The following FBF1 variants were observed in gnomAD, a reference collection of about 807,000 sequenced individuals.
FBF1 encodes the protein fas-binding factor 1.
A neutral mutation model predicts 147.2 loss-of-function variants in FBF1; 119 were observed. That is an observed-to-expected ratio of 0.81 (90% CI 0.70 to 0.94). The LOEUF (loss-of-function observed/expected upper bound fraction) is 0.94, where lower values mean the gene tolerates loss of function less well. Ranked by LOEUF, FBF1 falls within the 40% of genes least tolerant of loss-of-function variation. FBF1 has a pLI of 0.00. For synonymous variants in FBF1, 601 were observed against 609.0 expected (o/e 0.99, Z 0.19); for missense variants, 1,449 against 1,500.8 (o/e 0.97, Z 0.57).
In FBF1 at chr17:75,925,864, C is replaced by T. The variant is rs1012577307; in HGVS notation, c.868+166G>A. 6.6e-6 allele frequency among the ~76,000 whole-genome samples: 1 copy of T among 152,192 alleles called. No individual in the cohort carries two copies. Among genetic ancestry groups the T allele is most frequent in the South Asian group, 2.1e-4 (1 of 4,830 alleles). ...GACAACTGAGCACGAACAGTGGTCA[C>T]GGTAAGTATTATTTCACGGTAAGTA... On this transcript the variant is annotated intron_variant, in intron 12 of 29. Transcript: ENST00000636174. The surrounding 1 kb of genome is among the most constrained non-coding windows in gnomAD (Gnocchi z 5.0).
In FBF1 at chr17:75,922,156, C is replaced by G; in HGVS notation, c.1425-110G>C. ...CGTGAAGCTCGTGGCCCCCCTTCCTCCTGCTTCCACCATCCCGTCTTGGGG... is the reference window on the plus strand; with the variant it reads ...CGTGAAGCTCGTGGCCCCCCTTCCTGCTGCTTCCACCATCCCGTCTTGGGG... On this transcript the variant is annotated intron_variant, in intron 14 of 29. Coordinates refer to ENST00000636174, the MANE Select transcript of FBF1 (RefSeq NM_001319193.2). The surrounding 1 kb of genome is among the most constrained non-coding windows in gnomAD (Gnocchi z 5.0). 1.2e-6 allele frequency: 1 copy of G among 828,312 alleles called. No individual in the cohort carries two copies. Among genetic ancestry groups the G allele is most frequent in the South Asian group, 1.6e-5 (1 of 60,940 alleles). The allele number at this position is 828,312 out of a possible 1,614,324, so 51.3% of individuals were successfully genotyped here.
rs531209367 is a variant in FBF1, at chr17:75,916,234, T to G, written c.2506-1095A>C. Among the ~76,000 whole-genome samples, 44 of 151,900 alleles carry G rather than the reference T, an allele frequency of 2.9e-4. No homozygotes were observed. The South Asian group carries it at 4.2e-3, about 14-fold the overall frequency. On this transcript the variant is annotated intron_variant, in intron 23 of 29. Coordinates refer to ENST00000636174, the MANE Select transcript of FBF1 (RefSeq NM_001319193.2). ...TACTTGGCAGCTGAGGTGGGAAGAT[T>G]GCTTGAGCCCAGGAGGTTCAAGCTG... is the stretch of plus-strand genomic sequence containing the variant.
chr17:75,917,861 C>A lies in FBF1; in HGVS notation c.2387-11G>T. 1 of 1,589,494 alleles carries A rather than the reference C, an allele frequency of 6.3e-7. No homozygotes were observed. The highest frequency in any genetic ancestry group is 1.1e-5 in the South Asian group (1 of 88,372). ...GCCGCTCCTGCAGTGCTGGGGGCAA[C>A]CCACAGGGTGCTCAGCAGCTGCTCC... On this transcript the variant is annotated splice_polypyrimidine_tract_variant and intron_variant, in intron 22 of 29. Coordinates refer to ENST00000636174, the MANE Select transcript of FBF1 (RefSeq NM_001319193.2).
chr17:75,936,730 G>T (rs1488045775), intron 3 of FBF1, among the ~76,000 whole-genome samples: 2 of 151,970 alleles, frequency 1.3e-5, no homozygotes, highest in East Asian at 3.9e-4. Flanking sequence ...CAGATTTTCA[G>T]CAGAACCTAT....
rs781053338 is a variant in FBF1 at position 75,917,771 on chromosome 17, C to G, written c.2466G>C (p.Met822Ile). The stretch of plus-strand genomic sequence containing the variant: ...GGCTCTGCTCATTCAGCCGTGCCTC[C>G]ATCTTCCCGATGACCTCCTGTTGCC... ...RSRQQEVIGK[M>I]EARLNEQSRL... The change falls in exon 23 of 30, where the codon ATG becomes ATC. Residue 822 changes from methionine to isoleucine, a missense_variant. Physicochemically the swap from Met to Ile is conservative, Grantham distance 10. Coordinates refer to ENST00000636174, the MANE Select transcript of FBF1 (RefSeq NM_001319193.2). 2 of 1,610,110 alleles carry G rather than the reference C, an allele frequency of 1.2e-6. No individual in the cohort carries two copies. The highest frequency in any genetic ancestry group is 2.7e-5 in the African/African-American group (2 of 74,868).
chr17:75,914,228 G>A lies in FBF1; in HGVS notation c.2885C>T (p.Ala962Val). 1 of 1,592,222 alleles carries A rather than the reference G, an allele frequency of 6.3e-7. No individual in the cohort carries two copies. ...CTCCTGCCGCTCCTGCTCCAGGGCT[G>A]CTCTCTCCGCTGCCAGCTGCTTCTC... is the stretch of plus-strand genomic sequence containing the variant. The part of the protein sequence containing the change: ...AEEKQLAAER[A>V]ALEQERQELR... Residue 962 changes from alanine to valine, a missense_variant, in exon 26 of 30, where the codon GCA becomes GTA. Transcript: ENST00000636174.
Position 75,914,573 on chromosome 17 carries a change from C to G in FBF1, c.2814+174G>C, listed in dbSNP as rs150037877. ...GATCAAATAAAATGTGTATAATGCA[C>G]CTGGGACAATACGAGGAAGATGTTA... On this transcript the variant is annotated intron_variant, in intron 25 of 29. Transcript: ENST00000636174. The G allele has an allele frequency of 7.0e-4, 575 of 825,220 alleles. 5 individuals are homozygous for G. The East Asian group carries it at 0.015, about 22-fold the overall frequency. The allele number at this position is 825,220 out of a possible 1,614,324, so 51.1% of individuals were successfully genotyped here.
chr17:75,934,087 C>T lies in FBF1; in HGVS notation c.74-999G>A, dbSNP rs935473449. Among the ~76,000 whole-genome samples the T allele has an allele frequency of 7.2e-5, 11 of 152,128 alleles. No homozygotes were observed. The South Asian group carries it at 1.0e-3, about 14-fold the overall frequency. The stretch of plus-strand genomic sequence containing the variant: ...GTCCGCCCAAAAACTAGTACACGAA[C>T]GTTCATAACAGCATTATTCATAACA... On this transcript the variant is annotated intron_variant, in intron 4 of 29. Coordinates refer to ENST00000636174, the MANE Select transcript of FBF1 (RefSeq NM_001319193.2).
rs200883803 is a variant in FBF1 at position 75,919,964 on chromosome 17, C to T, written c.1931+43G>A. The T allele has an allele frequency of 3.1e-6, 5 of 1,610,138 alleles. No homozygotes were observed. In the East Asian group the frequency reaches 1.1e-4, roughly 36 times the overall value. ...AGGCACACTGGGTGGCCTTTGGGGT[C>T]AGTGTGAGATCCAAGGCAGAGCTGG... is the stretch of plus-strand genomic sequence containing the variant. On this transcript the variant is annotated intron_variant, in intron 19 of 29. Transcript: ENST00000636174. This position sits in a 1 kb window ranked among gnomAD's most constrained non-coding sequence, Gnocchi z 5.0.
chr17:75,933,099 A>G lies in FBF1; in HGVS notation c.74-11T>C. 1 of 1,590,018 alleles carries G rather than the reference A, an allele frequency of 6.3e-7. No individual in the cohort carries two copies. The highest frequency in any genetic ancestry group is 8.6e-7 in the Non-Finnish European group (1 of 1,161,754). On this transcript the variant is annotated splice_polypyrimidine_tract_variant and intron_variant, in intron 4 of 29. Transcript: ENST00000636174. Reference sequence around the variant, plus strand: ...TCTCAGGTAGTGTCACTGGAAAAAAAGAAAAGAGAAAACGTGTCATTTAAC... The same window carrying G: ...TCTCAGGTAGTGTCACTGGAAAAAAGGAAAAGAGAAAACGTGTCATTTAAC...
chr17:75,923,244 C>A lies in FBF1; in HGVS notation c.1366G>T (p.Ala456Ser). The A allele has an allele frequency of 6.3e-7, 1 of 1,591,422 alleles. No homozygotes were observed. The highest frequency in any genetic ancestry group is 8.6e-7 in the Non-Finnish European group (1 of 1,169,442). The change falls in exon 14 of 30, where the codon GCT (alanine) becomes TCT (serine). Residue 456 changes from alanine (A) to serine (S), a missense_variant. Transcript: ENST00000636174. This position sits in a 1 kb window ranked among gnomAD's most constrained non-coding sequence, Gnocchi z 4.1. ...AAATGCAGGCCCTCAGAGGTCCCAG[C>A]ATGCTGCTCTCTGGCCAGGCCTTGG... ...KSQGLAREQHAGTSEGLHLAG... is the reference protein window; with the variant it reads ...KSQGLAREQHSGTSEGLHLAG...
chr17:75,935,706 G>A (rs59867239), intron 3 of FBF1, 33 bp from the exon 4 acceptor site: 327,401 of 1,530,034 alleles, frequency 0.21, 35,676 homozygotes, highest in Non-Finnish European at 0.22. Context: ...ATGACTTCAG[G>A]AGGAAAGAAG....
Position 75,928,337 on chromosome 17 carries a change from G to T in FBF1, c.280-144C>A. On this transcript the variant is annotated intron_variant, in intron 7 of 29. Transcript: ENST00000636174. The surrounding 1 kb of genome is among the most constrained non-coding windows in gnomAD (Gnocchi z 4.2). ...TGAGAAAACTGTTGAGAAAAACAGTGAGTGAAGAAAGAAAATGGAACTAAA... is the reference window on the plus strand; with the variant it reads ...TGAGAAAACTGTTGAGAAAAACAGTTAGTGAAGAAAGAAAATGGAACTAAA... The T allele has an allele frequency of 1.4e-6, 1 of 692,934 alleles. No homozygotes were observed. Among genetic ancestry groups the T allele is most frequent in the Non-Finnish European group, 2.5e-6 (1 of 398,838 alleles). The allele number at this position is 692,934 out of a possible 1,614,324, so 42.9% of individuals were successfully genotyped here. A position where few individuals can be genotyped will look rare whatever the true frequency, so the allele number is the denominator to read the frequency against.
chr17:75,912,416 C>T, intron 28 of FBF1, 109 bp from the exon 29 acceptor site: 2 of 755,792 alleles, frequency 2.6e-6, no homozygotes, highest in Non-Finnish European at 4.2e-6. Flanking sequence ...GGACCCTGGC[C>T]ATATACTCAG....
At chr17:75,932,877 C>CT in intron 5 of FBF1, 118 bp downstream of exon 5, 4 of 569,648 alleles carry the variant, frequency 7.0e-6, no homozygotes, top group Non-Finnish European at 1.1e-5. Flanking sequence ...CAAATATTCT[C>CT]TAAAAAAAAA....
In FBF1 at chr17:75,925,095, C is replaced by T. The variant is rs1430451841; in HGVS notation, c.968+252G>A. Among the ~76,000 whole-genome samples, 3 of 152,176 alleles carry T rather than the reference C, an allele frequency of 2.0e-5. No homozygotes were observed. The highest frequency in any genetic ancestry group is 7.2e-5 in the African/African-American group (3 of 41,456). On this transcript the variant is annotated intron_variant, in intron 13 of 29. Coordinates refer to ENST00000636174, the MANE Select transcript of FBF1 (RefSeq NM_001319193.2). The surrounding 1 kb of genome is among the most constrained non-coding windows in gnomAD (Gnocchi z 5.0). Reference sequence around the variant, plus strand: ...CCCACCTGCCCCTTTCCTTCTGAGGCTGGGTGGGGCACTGGCGAACCTGAG... The same window carrying T: ...CCCACCTGCCCCTTTCCTTCTGAGGTTGGGTGGGGCACTGGCGAACCTGAG...
Position 75,919,647 on chromosome 17 carries a change from C to T in FBF1, c.2138+21G>A. 6.3e-7 allele frequency: 1 copy of T among 1,576,172 alleles called. No individual in the cohort carries two copies. Among genetic ancestry groups the T allele is most frequent in the Non-Finnish European group, 8.6e-7 (1 of 1,163,496 alleles). Reference sequence around the variant, plus strand: ...TACTCCTTGCAAGCCTGCTCCCCAGCTGCCTGTCCCTGGGCCTCACCGCTG... The same window carrying T: ...TACTCCTTGCAAGCCTGCTCCCCAGTTGCCTGTCCCTGGGCCTCACCGCTG... On this transcript the variant is annotated intron_variant, in intron 20 of 29. Coordinates refer to ENST00000636174, the MANE Select transcript of FBF1 (RefSeq NM_001319193.2). This position sits in a 1 kb window ranked among gnomAD's most constrained non-coding sequence, Gnocchi z 5.0.
Position 75,923,577 on chromosome 17 carries a change from T to A in FBF1, c.1033A>T (p.Met345Leu). 6.2e-7 allele frequency: 1 copy of A among 1,610,762 alleles called. No individual in the cohort carries two copies. The highest frequency in any genetic ancestry group is 8.5e-7 in the Non-Finnish European group (1 of 1,178,842). Reference sequence around the variant, plus strand: ...CTGGGCTGGATGGGGCTGGAAGCCATTGGAGGGCTCTGTTTGGAGCCTGGT... The same window carrying A: ...CTGGGCTGGATGGGGCTGGAAGCCAATGGAGGGCTCTGTTTGGAGCCTGGT... ...GEPGSKQSPP[M>L]ASSPIQPRKG... The change falls in exon 14 of 30, where the codon ATG becomes TTG. Residue 345 changes from methionine (M) to leucine (L), a missense_variant. Physicochemically the swap from Met to Leu is conservative, Grantham distance 15. Coordinates refer to ENST00000636174, the MANE Select transcript of FBF1 (RefSeq NM_001319193.2). This position sits in a 1 kb window ranked among gnomAD's most constrained non-coding sequence, Gnocchi z 4.1.
At position 75,923,600 on chromosome 17, in the gene FBF1, G is replaced by A; in HGVS notation, c.1010C>T (p.Pro337Leu). 6.2e-7 allele frequency: 1 copy of A among 1,610,392 alleles called. No homozygotes were observed. The highest frequency in any genetic ancestry group is 1.3e-5 in the African/African-American group (1 of 75,038). Residue 337 changes from proline to leucine, a missense_variant, in exon 14 of 30, where the codon CCA (proline) becomes CTA (leucine). Transcript: ENST00000636174. The surrounding 1 kb of genome is among the most constrained non-coding windows in gnomAD (Gnocchi z 4.1). ...CATTGGAGGGCTCTGTTTGGAGCCT[G>A]GTTCTCCCTTGGGGTCTGCGCCACT... is the stretch of plus-strand genomic sequence containing the variant. ...ADSGADPKGE[P>L]GSKQSPPMAS...
Sources: gnomAD v4.1 joint callset for allele counts (sites outside exome capture counted in the v4.1 genomes callset) on GRCh38, gnomAD v4.1.1 for gene constraint, Gnocchi (gnomAD v3.1) non-coding constraint, MANE v1.5 for transcripts, NCBI Gene and HGNC (gene_info 2026-07-23, HGNC 2026-07-21) for gene names.